PCDHGA2: variants seen among roughly 807,000 people sequenced by gnomAD.
The protein encoded by PCDHGA2 is protocadherin gamma subfamily A, 2.
A neutral mutation model predicts 59.2 loss-of-function variants in PCDHGA2; 40 were observed. That is an observed-to-expected ratio of 0.68 (90% CI 0.52 to 0.88). The LOEUF (loss-of-function observed/expected upper bound fraction) is 0.88. Among genes scored for constraint, PCDHGA2 ranks in the 40% least tolerant of loss-of-function variants. The probability of loss-of-function intolerance (pLI) is 0.00; values close to 1 mark genes in which losing one functional copy is unlikely to be tolerated. For synonymous variants in PCDHGA2, 560 were observed against 526.0 expected (o/e 1.06, Z -0.89); for missense variants, 1,226 against 1,204.0 (o/e 1.02, Z -0.27).
rs1364068033 is a variant in PCDHGA2 at position 141,490,353 on chromosome 5, G to A, written c.2425-4454G>A. 3.1e-6 allele frequency: 5 copies of A among 1,614,090 alleles called. No individual in the cohort carries two copies. The highest frequency in any genetic ancestry group is 4.2e-6 in the Non-Finnish European group (5 of 1,180,046). On this transcript the variant is annotated intron_variant, in intron 1 of 3. Transcript: ENST00000394576. This position sits in a 1 kb window ranked among gnomAD's most constrained non-coding sequence, Gnocchi z 5.4. ...CACCAGTGGGCACAGTAGTGGGGTT[G>A]TTTAATGTGCGAGACCGGGACTCAG...
intron 1 of PCDHGA2, chr5:141,393,583 C>T: frequency 6.2e-7 from 1 of 1,613,930 alleles, no homozygotes. Flanking sequence ...AACATGCCCC[C>T]AGGCACGCGG....
At chr5:141,386,498 A>G (rs961063181) in intron 1 of PCDHGA2, among the ~76,000 whole-genome samples, 2 of 135,914 alleles carry the variant, frequency 1.5e-5, no homozygotes, top group African/African-American at 5.6e-5. Context: ...TAATATAACA[A>G]GACTCTGTCT....
intron 1 of PCDHGA2, chr5:141,404,337 C>CG (rs1376523964): frequency 1.9e-6 from 3 of 1,613,784 alleles, no homozygotes; most frequent in Non-Finnish European, 2.5e-6. Context: ...GTCTACCTCC[C>CG]GGAAAACAAC....
Position 141,487,632 on chromosome 5 carries a change from C to G in PCDHGA2, c.2425-7175C>G, listed in dbSNP as rs374506603. The G allele has an allele frequency of 6.2e-7, 1 of 1,614,186 alleles. No homozygotes were observed. Among genetic ancestry groups the G allele is most frequent in the East Asian group, 2.2e-5 (1 of 44,888 alleles). On this transcript the variant is annotated intron_variant, in intron 1 of 3. Coordinates refer to ENST00000394576, the MANE Select transcript of PCDHGA2 (RefSeq NM_018915.4). The surrounding 1 kb of genome is among the most constrained non-coding windows in gnomAD (Gnocchi z 5.0). ...GGGCTAGAGGTGAGACCTTTGCAGG[C>G]TCAACAAATGCTTGAGGGTTATTCT... is the stretch of plus-strand genomic sequence containing the variant.
chr5:141,500,258 G>A lies in PCDHGA2; in HGVS notation c.2484-5135G>A, dbSNP rs2099798463. On this transcript the variant is annotated intron_variant, in intron 2 of 3. Coordinates refer to ENST00000394576, the MANE Select transcript of PCDHGA2 (RefSeq NM_018915.4). ...TAGCCTTGCTCTGTCACCCAGGCTG[G>A]ACTGCAGTGGCGCAATCTCGGCTCA... Among the ~76,000 whole-genome samples the A allele has an allele frequency of 2.0e-5, 3 of 150,738 alleles. No homozygotes were observed. In the South Asian group the frequency reaches 6.3e-4, roughly 32 times the overall value.
At chr5:141,419,722 G>A (rs1194093167) in intron 1 of PCDHGA2, 2 of 1,613,306 alleles carry the variant, frequency 1.2e-6, no homozygotes, top group Admixed American at 1.7e-5. Context: ...GCCTGGGGCT[G>A]CGAACAGGCG....
intron 1 of PCDHGA2, chr5:141,342,049 A>G (rs923380759): frequency 6.6e-6 from 1 of 152,668 alleles, no homozygotes; most frequent in African/African-American, 2.4e-5. Flanking sequence ...TTCTTGAAGA[A>G]GTGACTGACT....
At chr5:141,456,574 T>G (rs373414652) in intron 1 of PCDHGA2, among the ~76,000 whole-genome samples, 3 of 152,198 alleles carry the variant, frequency 2.0e-5, no homozygotes, top group South Asian at 4.1e-4. Flanking sequence ...ACATTTTCCC[T>G]GAGCCTGTCA....
Position 141,339,417 on chromosome 5 carries a change from GA to G in PCDHGA2, c.447del (p.Phe150SerfsTer13). ...AAAATCAGTGAAACCACTACGCCAG[GA>G]TTCCGGATTCCTCTTAAGAATGCGC... ...ELKISETTTP[G>X]FRIPLKNAHD... On this transcript the variant is annotated frameshift_variant, in exon 1 of 4. Transcript: ENST00000394576. LOFTEE classifies it high-confidence loss of function. The G allele has an allele frequency of 6.2e-7, 1 of 1,614,236 alleles. No individual in the cohort carries two copies. The highest frequency in any genetic ancestry group is 8.5e-7 in the Non-Finnish European group (1 of 1,180,044).
chr5:141,376,676 G>GTGTTTTTTT (rs1773033495), intron 1 of PCDHGA2: 1 of 275,812 alleles, frequency 3.6e-6, no homozygotes, highest in African/African-American at 3.7e-5. Flanking sequence ...TGAGGGTATC[G>GTGTTTTTTT]TTTTTTTTTT....
At chr5:141,404,382 A>G (rs765708858) in intron 1 of PCDHGA2, 27 of 1,613,860 alleles carry the variant, frequency 1.7e-5, no homozygotes, top group South Asian at 1.2e-4. Context: ...GTGATTGCCT[A>G]TGACCCTGAT....
rs201006002 is a variant in PCDHGA2, at chr5:141,432,497, C to G, written c.2425-62310C>G. Reference sequence around the variant, plus strand: ...TTCCACTGGCGTGGAGCTGGCTCCCCGCTCCGCAGAGCCCGGCTACCTGGT... The same window carrying G: ...TTCCACTGGCGTGGAGCTGGCTCCCGGCTCCGCAGAGCCCGGCTACCTGGT... On this transcript the variant is annotated intron_variant, in intron 1 of 3. Transcript: ENST00000394576. This position sits in a 1 kb window ranked among gnomAD's most constrained non-coding sequence, Gnocchi z 6.0. The G allele has an allele frequency of 1.1e-5, 18 of 1,614,182 alleles. No homozygotes were observed. In the East Asian group the frequency reaches 4.0e-4, roughly 36 times the overall value.
rs774858191 is a variant in PCDHGA2 at position 141,413,689 on chromosome 5, C to T, written c.2424+72294C>T. On this transcript the variant is annotated intron_variant, in intron 1 of 3. Transcript: ENST00000394576. Reference sequence around the variant, plus strand: ...TCCGGATGTGGGCGTGAACTCCCTGCAGAGCTATCAGCTCAGCCCCAATAA... The same window carrying T: ...TCCGGATGTGGGCGTGAACTCCCTGTAGAGCTATCAGCTCAGCCCCAATAA... 6 of 1,613,800 alleles carry T rather than the reference C, an allele frequency of 3.7e-6. No individual in the cohort carries two copies. The Admixed American group carries it at 5.0e-5, about 13-fold the overall frequency.
At chr5:141,351,694 A>T in intron 1 of PCDHGA2, 1 of 1,613,918 alleles carries the variant, frequency 6.2e-7, no homozygotes, top group African/African-American at 1.3e-5. Context: ...CGGATTTGGG[A>T]CCCAACGGCA....
chr5:141,399,910 G>C, intron 1 of PCDHGA2: 1 of 1,612,438 alleles, frequency 6.2e-7, no homozygotes, highest in Non-Finnish European at 8.5e-7. Context: ...CGCAGACTCA[G>C]GACACAACGC....
intron 1 of PCDHGA2, chr5:141,373,798 T>A: frequency 3.2e-6 from 1 of 315,426 alleles, no homozygotes; most frequent in Non-Finnish European, 5.8e-6. Context: ...AATAAAATCC[T>A]CTGTGTGATA....
At chr5:141,468,849 G>C (rs1349849817) in intron 1 of PCDHGA2, among the ~76,000 whole-genome samples, 2 of 152,058 alleles carry the variant, frequency 1.3e-5, no homozygotes, top group East Asian at 3.9e-4. Flanking sequence ...CTGGGCAACA[G>C]AGCGAGACTC....
chr5:141,392,692 C>T, intron 1 of PCDHGA2: 11 of 1,148,308 alleles, frequency 9.6e-6, no homozygotes, highest in Non-Finnish European at 1.3e-5. Flanking sequence ...CGAAACCCGA[C>T]CCCTGTTTGG....
At chr5:141,405,372 T>C in intron 1 of PCDHGA2, 1 of 1,601,630 alleles carries the variant, frequency 6.2e-7, no homozygotes, top group East Asian at 2.2e-5. Flanking sequence ...ACCCCTTTGG[T>C]TCCGGTGAGT....
Sources: allele counts gnomAD v4.1 joint callset (sites outside exome capture counted in the v4.1 genomes callset), GRCh38; gene constraint gnomAD v4.1.1; non-coding constraint Gnocchi (gnomAD v3.1); transcripts MANE v1.5; gene names NCBI Gene and HGNC (gene_info 2026-07-23, HGNC 2026-07-21).